Variants in RNF115 observed in about 807,000 individuals in gnomAD.
The protein encoded by RNF115 is E3 ubiquitin-protein ligase RNF115.
RNF115 carries 31 observed loss-of-function variants against 39.2 expected under a neutral mutation model. The observed-to-expected ratio is 0.79, with a 90% CI of 0.59 to 1.07. The LOEUF (loss-of-function observed/expected upper bound fraction) is 1.07. Among genes scored for constraint, RNF115 ranks in the 50% least tolerant of loss-of-function variants. RNF115 has a pLI of 0.00. For synonymous variants in RNF115, 124 were observed against 131.0 expected, an observed-to-expected ratio of 0.95 and a Z score of 0.37; for missense variants, 384 against 381.7, an observed-to-expected ratio of 1.01 and a Z score of -0.05.
intron 1 of RNF115, among the ~76,000 whole-genome samples, chr1:145,819,798 G>C (rs1650154232): frequency 6.6e-6 from 1 of 152,232 alleles, no homozygotes; most frequent in Non-Finnish European, 1.5e-5. Flanking sequence ...AGCACTTTGG[G>C]GGGCCAAGGC....
chr1:145,776,381 C>T (rs1471903264), intron 3 of RNF115, among the ~76,000 whole-genome samples: 2 of 151,256 alleles, frequency 1.3e-5, no homozygotes, highest in African/African-American at 4.9e-5. Flanking sequence ...CCAGACTGGT[C>T]TTGAACTCCT....
chr1:145,756,851 T>TC (rs1448585069), intron 4 of RNF115, among the ~76,000 whole-genome samples: 3 of 146,284 alleles, frequency 2.1e-5, no homozygotes, highest in African/African-American at 7.6e-5. Flanking sequence ...TTTTTTTTTT[T>TC]TTTTTGAGGC....
chr1:145,746,852 T>G lies in RNF115; in HGVS notation c.*14A>C. The G allele has an allele frequency of 6.2e-7, 1 of 1,613,472 alleles. No individual in the cohort carries two copies. ...ATGATTACCACAGCCCTGATTCAGG[T>G]GTGGTCTTTAGCTTCAGAAAGTCCA... On this transcript the variant is annotated 3_prime_UTR_variant, in exon 9 of 9. Coordinates refer to ENST00000582693, the MANE Select transcript of RNF115 (RefSeq NM_014455.4).
chr1:145,759,057 A>G (rs913874671), intron 4 of RNF115, among the ~76,000 whole-genome samples: 1 of 152,176 alleles, frequency 6.6e-6, no homozygotes, highest in Non-Finnish European at 1.5e-5. Context: ...GAGTCTTCAC[A>G]TAGTTTCCAG....
chr1:145,754,009 A>G (rs1658199033), intron 4 of RNF115, among the ~76,000 whole-genome samples: 1 of 152,068 alleles, frequency 6.6e-6, no homozygotes, highest in South Asian at 2.1e-4. Context: ...ACGCCCAGCA[A>G]TGATATGCAA....
chr1:145,767,534 G>A (rs1443314197), intron 4 of RNF115, among the ~76,000 whole-genome samples: 4 of 152,026 alleles, frequency 2.6e-5, no homozygotes, highest in East Asian at 2.0e-4. Context: ...GACGATGGGC[G>A]GCCAGGCAGA....
At chr1:145,751,585 A>G (rs1234722171) in intron 5 of RNF115, 75 bp from the exon 6 acceptor site, 2 of 997,590 alleles carry the variant, frequency 2.0e-6, no homozygotes, top group East Asian at 5.4e-5. Context: ...AAAAATTGGC[A>G]GAGGGATCCT....
intron 1 of RNF115, among the ~76,000 whole-genome samples, chr1:145,823,429 A>C (rs1283217518): frequency 1.4e-5 from 2 of 145,606 alleles, no homozygotes; most frequent in Non-Finnish European, 3.0e-5. Flanking sequence ...GTGTGGGGGG[A>C]GGTCATCGTA....
At chr1:145,757,163 C>T (rs1553713291) in intron 4 of RNF115, among the ~76,000 whole-genome samples, 1 of 152,074 alleles carries the variant, frequency 6.6e-6, no homozygotes, top group Non-Finnish European at 1.5e-5. Flanking sequence ...AGACTATCAA[C>T]CGTTGGATTA....
At chr1:145,819,904 G>A (rs56736177) in intron 1 of RNF115, among the ~76,000 whole-genome samples, 13,085 of 146,268 alleles carry the variant, frequency 0.089, no homozygotes, top group East Asian at 0.25. Flanking sequence ...CAGGTCTAGT[G>A]GTGCAAACCT....
intron 1 of RNF115, among the ~76,000 whole-genome samples, chr1:145,802,835 C>T (rs187840028): frequency 2.0e-4 from 30 of 152,316 alleles, no homozygotes; most frequent in African/African-American, 6.7e-4. Flanking sequence ...CACATCACAG[C>T]TCCTAGGCCA....
chr1:145,803,960 T>C (rs587619950), intron 1 of RNF115, among the ~76,000 whole-genome samples: 30 of 152,320 alleles, frequency 2.0e-4, no homozygotes, highest in Non-Finnish European at 4.0e-4. Flanking sequence ...ATTTATAGTG[T>C]TTTTGGCTTG....
At position 145,776,808 on chromosome 1, in the gene RNF115, C is replaced by T. The variant is rs374894697; in HGVS notation, c.220-4889G>A. Among the ~76,000 whole-genome samples, 6 of 152,286 alleles carry T rather than the reference C, an allele frequency of 3.9e-5. No individual in the cohort carries two copies. In the East Asian group the frequency reaches 5.8e-4, roughly 15 times the overall value. ...CTAAGATCGCGCCATTGCACTCCAG[C>T]CTGGGCAACAAGAGTGAAACTCTGT... On this transcript the variant is annotated intron_variant, in intron 3 of 8. Transcript: ENST00000582693.
At chr1:145,754,375 A>AT (rs765377167) in intron 4 of RNF115, among the ~76,000 whole-genome samples, 8 of 151,078 alleles carry the variant, frequency 5.3e-5, no homozygotes, top group Non-Finnish European at 1.0e-4. Context: ...TTTTTTTGAG[A>AT]TGAAGTCTTG....
At chr1:145,801,937 A>T (rs988230399) in intron 1 of RNF115, among the ~76,000 whole-genome samples, 3 of 152,144 alleles carry the variant, frequency 2.0e-5, no homozygotes, top group Admixed American at 2.0e-4. Context: ...ACAGGTGTAT[A>T]CCATTACGCC....
At chr1:145,780,176 C>T (rs1008044154) in intron 3 of RNF115, among the ~76,000 whole-genome samples, 7 of 151,836 alleles carry the variant, frequency 4.6e-5, no homozygotes, top group Non-Finnish European at 5.9e-5. Flanking sequence ...TGCAGTAAGC[C>T]GAGATCGTGC....
intron 1 of RNF115, among the ~76,000 whole-genome samples, chr1:145,801,056 A>G (rs1309429658): frequency 6.6e-6 from 1 of 152,164 alleles, no homozygotes; most frequent in Non-Finnish European, 1.5e-5. Context: ...CTGTAGTCCC[A>G]GCTACTCAAG....
At chr1:145,763,607 G>C (rs1680663) in intron 4 of RNF115, among the ~76,000 whole-genome samples, 44,142 of 152,032 alleles carry the variant, frequency 0.29, 7,273 homozygotes, top group Non-Finnish European at 0.37. Flanking sequence ...GCTGAGGCAG[G>C]AGAATTGCTT....
chr1:145,802,571 TTAC>T (rs1223257023), intron 1 of RNF115, among the ~76,000 whole-genome samples: 3 of 152,212 alleles, frequency 2.0e-5, no homozygotes, highest in African/African-American at 7.2e-5. Flanking sequence ...ATATAAAGAC[TTAC>T]TACTTTTTTC....
Sources: allele counts gnomAD v4.1 joint callset (sites outside exome capture counted in the v4.1 genomes callset), GRCh38; gene constraint gnomAD v4.1.1; transcripts MANE v1.5; gene names NCBI Gene and HGNC (gene_info 2026-07-23, HGNC 2026-07-21).